TENM4: variants seen among roughly 807,000 people sequenced by gnomAD.
TENM4 encodes the protein teneurin-4.
A neutral mutation model predicts 243.3 loss-of-function variants in TENM4; 82 were observed. The observed-to-expected ratio is 0.34, with a 90% CI of 0.28 to 0.40. The LOEUF is 0.40. Among genes scored for constraint, TENM4 ranks in the 10% least tolerant of loss-of-function variants. The probability of loss-of-function intolerance (pLI) is 1.00; values close to 1 mark genes in which losing one functional copy is unlikely to be tolerated. For missense variants in TENM4, 3,138 were observed against 3,673.3 expected, an observed-to-expected ratio of 0.85 and a Z score of 3.77; for synonymous variants, 1,412 against 1,456.3, an observed-to-expected ratio of 0.97 and a Z score of 0.69.
intron 12 of TENM4, among the ~76,000 whole-genome samples, chr11:78,851,751 G>C (rs976750373): frequency 6.6e-6 from 1 of 152,170 alleles, no homozygotes; most frequent in African/African-American, 2.4e-5. Context: ...ACCCTGCCAA[G>C]TGACAGCCTA....
intron 4 of TENM4, among the ~76,000 whole-genome samples, chr11:79,081,811 C>T (rs1860682771): frequency 6.6e-6 from 1 of 152,074 alleles, no homozygotes; most frequent in Non-Finnish European, 1.5e-5. Flanking sequence ...CCCCCCAGCC[C>T]TTATATTTCC....
chr11:79,433,328 T>C (rs1437250810), intron 1 of TENM4, among the ~76,000 whole-genome samples: 2 of 152,146 alleles, frequency 1.3e-5, no homozygotes, highest in African/African-American at 4.8e-5. Flanking sequence ...ATCCCAGAAC[T>C]AGGGGTGTGC....
At chr11:79,266,945 G>T (rs1378079019) in intron 2 of TENM4, among the ~76,000 whole-genome samples, 1 of 152,148 alleles carries the variant, frequency 6.6e-6, no homozygotes, top group Non-Finnish European at 1.5e-5. Context: ...TGGGATAAAG[G>T]TTACCACATT....
chr11:79,386,623 A>C (rs1369249066), intron 1 of TENM4, among the ~76,000 whole-genome samples: 1 of 152,182 alleles, frequency 6.6e-6, no homozygotes, highest in African/African-American at 2.4e-5. Flanking sequence ...AAGACATCCA[A>C]ATGGCCAGTA....
In TENM4 at chr11:79,064,397, G is replaced by C. The variant is rs56370662; in HGVS notation, c.493+341C>G. Among the ~76,000 whole-genome samples, 1,235 of 152,264 alleles carry C rather than the reference G, an allele frequency of 8.1e-3. 25 individuals are homozygous for C. The highest frequency in any genetic ancestry group is 0.028 in the African/African-American group (1,172 of 41,538). ...ATGAGCAGGATTCAGGCAGGACCAG[G>C]CCTTGCTGATTTGATGGAGGATAAA... On this transcript the variant is annotated intron_variant, in intron 6 of 33. Transcript: ENST00000278550.
chr11:78,763,385 G>A (rs535788190), intron 18 of TENM4, among the ~76,000 whole-genome samples: 2 of 151,878 alleles, frequency 1.3e-5, no homozygotes, highest in Non-Finnish European at 2.9e-5. Context: ...AGAAAAGGGG[G>A]AAAAAAAGAA....
chr11:79,079,333 G>A (rs1160329006), intron 4 of TENM4, among the ~76,000 whole-genome samples: 3 of 152,224 alleles, frequency 2.0e-5, no homozygotes. Context: ...CTGAGCTGCG[G>A]AGCTGGGAGG....
At chr11:79,413,788 A>G (rs947537375) in intron 1 of TENM4, among the ~76,000 whole-genome samples, 2 of 152,196 alleles carry the variant, frequency 1.3e-5, no homozygotes, top group African/African-American at 2.4e-5. Flanking sequence ...AATAAACATC[A>G]TATTGTGGTT....
rs143096467 is a variant in TENM4, at chr11:79,246,649, G to A, written c.-264-30740C>T. On this transcript the variant is annotated intron_variant, in intron 2 of 33. Transcript: ENST00000278550. ...TAAAAAGATGACATTGAGCAAAGAG[G>A]GTCAGATACAGAGAGATATGTATTG... Among the ~76,000 whole-genome samples the A allele has an allele frequency of 3.2e-4, 48 of 152,150 alleles. 1 individual carries two copies. In the East Asian group the frequency reaches 9.1e-3, roughly 29 times the overall value.
intron 3 of TENM4, among the ~76,000 whole-genome samples, chr11:79,192,006 C>T (rs1470848219): frequency 1.3e-5 from 2 of 151,754 alleles, no homozygotes; most frequent in African/African-American, 2.4e-5. Flanking sequence ...CGCCTCTGCC[C>T]GGCTGCCCCT....
At chr11:79,167,890 A>T (rs1862951979) in intron 3 of TENM4, among the ~76,000 whole-genome samples, 1 of 152,220 alleles carries the variant, frequency 6.6e-6, no homozygotes, top group South Asian at 2.1e-4. Context: ...GTAGAGATTT[A>T]AAAAAATGAG....
intron 15 of TENM4, among the ~76,000 whole-genome samples, chr11:78,791,066 G>C (rs773613098): frequency 6.6e-6 from 1 of 152,084 alleles, no homozygotes; most frequent in Non-Finnish European, 1.5e-5. Context: ...TTTAATGGAA[G>C]GGCCCTTGAT....
At chr11:79,097,095 G>T (rs1028151685) in intron 4 of TENM4, 9 of 152,252 alleles carry the variant, frequency 5.9e-5, no homozygotes, top group African/African-American at 2.2e-4. Flanking sequence ...CATTGAGACA[G>T]GGGCTCTATC....
chr11:79,265,947 T>G (rs1425584144), intron 2 of TENM4, among the ~76,000 whole-genome samples: 1 of 152,212 alleles, frequency 6.6e-6, no homozygotes, highest in Non-Finnish European at 1.5e-5. Flanking sequence ...CATTTCCTAC[T>G]CTCAGAACTC....
At chr11:79,065,906 C>T (rs974583159) in intron 5 of TENM4, among the ~76,000 whole-genome samples, 3 of 152,212 alleles carry the variant, frequency 2.0e-5, no homozygotes, top group African/African-American at 7.2e-5. Context: ...TCAGGGACAG[C>T]TTCTCCTGTA....
chr11:78,996,520 T>A (rs2136683842), intron 6 of TENM4, among the ~76,000 whole-genome samples: 1 of 152,210 alleles, frequency 6.6e-6, no homozygotes, highest in Admixed American at 6.5e-5. Context: ...TTATGAAAAA[T>A]AACACATGGT....
At chr11:79,372,948 G>A (rs907747851) in intron 1 of TENM4, among the ~76,000 whole-genome samples, 1 of 152,132 alleles carries the variant, frequency 6.6e-6, no homozygotes, top group Non-Finnish European at 1.5e-5. Flanking sequence ...CAACCGTGCA[G>A]CCAATAAAGT....
At position 78,856,079 on chromosome 11, in the gene TENM4, C is replaced by T; in HGVS notation, c.1355G>A (p.Trp452Ter). The change falls in exon 11 of 34, where the codon TGG becomes TAG. Residue 452 changes from tryptophan to a stop codon, truncating the protein, a stop_gained. Coordinates refer to ENST00000278550, the MANE Select transcript of TENM4 (RefSeq NM_001098816.3). LOFTEE classifies it high-confidence loss of function. ...ASQKIPPGTF[W>*]RSQVFIDHPV... ...ATGGTCTATGAACACTTGAGATCTC[C>T]AGAAAGTGCCAGGAGGAATCTTCTG... 1 of 1,551,676 alleles carries T rather than the reference C, an allele frequency of 6.4e-7. No individual in the cohort carries two copies. Among genetic ancestry groups the T allele is most frequent in the Non-Finnish European group, 8.7e-7 (1 of 1,146,996 alleles).
intron 6 of TENM4, among the ~76,000 whole-genome samples, chr11:78,963,642 G>A (rs1450408327): frequency 6.6e-6 from 1 of 152,116 alleles, no homozygotes; most frequent in African/African-American, 2.4e-5. Flanking sequence ...TGCAGGGTAG[G>A]GTGGGAAGCT....
Sources: gnomAD v4.1 joint callset for allele counts (sites outside exome capture counted in the v4.1 genomes callset) on GRCh38, gnomAD v4.1.1 for gene constraint, MANE v1.5 for transcripts, NCBI Gene and HGNC (gene_info 2026-07-23, HGNC 2026-07-21) for gene names.